ENTPD7: variants seen among roughly 807,000 people sequenced by gnomAD.
The protein encoded by ENTPD7 is NTPDase 7.
Under a neutral mutation model 77.9 loss-of-function variants are expected in ENTPD7, and 53 were observed. That is an observed-to-expected ratio of 0.68 (90% CI 0.55 to 0.85). ENTPD7 has a LOEUF of 0.85. Ranked by LOEUF, ENTPD7 falls within the 40% of genes least tolerant of loss-of-function variation. The pLI, the probability that ENTPD7 is intolerant of heterozygous loss-of-function variation, is 0.00. For synonymous variants in ENTPD7, 248 were observed against 274.9 expected (o/e 0.90, Z 0.97); for missense variants, 636 against 743.7 (o/e 0.86, Z 1.68).
intron 2 of ENTPD7, chr10:99,660,498 A>G: frequency 2.0e-6 from 1 of 505,578 alleles, no homozygotes; most frequent in Non-Finnish European, 3.6e-6. Context: ...GTGGACTACC[A>G]TTTGTGTAAA....
At chr10:99,687,801 G>A (rs2035833488) in intron 6 of ENTPD7, among the ~76,000 whole-genome samples, 1 of 152,102 alleles carries the variant, frequency 6.6e-6, no homozygotes, top group Admixed American at 6.5e-5. Flanking sequence ...GTTCCTTGGA[G>A]CTCCCTTTCA....
rs574999360 is a variant in ENTPD7, at chr10:99,677,295, T to C, written c.192-1966T>C. Among the ~76,000 whole-genome samples, 12 of 151,822 alleles carry C rather than the reference T, an allele frequency of 7.9e-5. No individual in the cohort carries two copies. The South Asian group carries it at 2.5e-3, about 32-fold the overall frequency. On this transcript the variant is annotated intron_variant, in intron 3 of 12. Transcript: ENST00000370489. ...CAAAAGCTGGTTCTGAGGGGTTCTGTGTAAGAGCCTTGGAGATCTAGGAGT... is the reference window on the plus strand; with the variant it reads ...CAAAAGCTGGTTCTGAGGGGTTCTGCGTAAGAGCCTTGGAGATCTAGGAGT...
At position 99,679,251 on chromosome 10, in the gene ENTPD7, C is replaced by T. The variant is rs765001674; in HGVS notation, c.192-10C>T. 2 of 1,611,812 alleles carry T rather than the reference C, an allele frequency of 1.2e-6. No individual in the cohort carries two copies. The highest frequency in any genetic ancestry group is 4.5e-5 in the East Asian group (2 of 44,872). ...TGCTTAGCACTGATTTCTCTTTTTG[C>T]CTGACTTAGGTATTTGGCTCGAGTA... On this transcript the variant is annotated splice_polypyrimidine_tract_variant and intron_variant, in intron 3 of 12. Transcript: ENST00000370489.
In ENTPD7 at chr10:99,684,181, G is replaced by A. The variant is rs373754735; in HGVS notation, c.549-1611G>A. 3.3e-4 allele frequency among the ~76,000 whole-genome samples: 50 copies of A among 152,144 alleles called. 3 individuals are homozygous for A. In the South Asian group the frequency reaches 1.0e-2, roughly 30 times the overall value. On this transcript the variant is annotated intron_variant, in intron 5 of 12. Transcript: ENST00000370489. ...AGCGATTCTCCTGCCTCAGCCTCCC[G>A]AGTGGGATTACAGGTGTCTGTCACC...
intron 12 of ENTPD7, 69 bp downstream of exon 12, chr10:99,702,742 T>A: frequency 7.0e-7 from 1 of 1,431,846 alleles, no homozygotes; most frequent in East Asian, 2.5e-5. Flanking sequence ...AGAATCGGTT[T>A]CTTTCTTTTT....
intron 9 of ENTPD7, among the ~76,000 whole-genome samples, chr10:99,697,107 C>T (rs1322271172): frequency 6.6e-6 from 1 of 152,160 alleles, no homozygotes; most frequent in Non-Finnish European, 1.5e-5. Flanking sequence ...ATATTTACGG[C>T]ATGTTGAAGA....
chr10:99,702,662 C>T lies in ENTPD7; in HGVS notation c.1572C>T (p.Phe524=), dbSNP rs772654781. Residue 524 remains phenylalanine, a synonymous_variant, in exon 12 of 13, where the codon TTC becomes TTT. Transcript: ENST00000370489. ...TLGAILYKTR[F]LPLRDLRQEG... is the part of the protein sequence containing the mutation. ...GAGCCATTCTATATAAAACACGATTCTTACCACTCAGGTAAAGTAAGACTG... is the reference window on the plus strand; with the variant it reads ...GAGCCATTCTATATAAAACACGATTTTTACCACTCAGGTAAAGTAAGACTG... 1 of 1,610,910 alleles carries T rather than the reference C, an allele frequency of 6.2e-7. No individual in the cohort carries two copies. Among genetic ancestry groups the T allele is most frequent in the East Asian group, 2.2e-5 (1 of 44,816 alleles).
intron 3 of ENTPD7, among the ~76,000 whole-genome samples, chr10:99,670,071 A>G (rs1240545045): frequency 1.3e-5 from 2 of 151,840 alleles, no homozygotes; most frequent in African/African-American, 2.4e-5. Context: ...TTAATCAACT[A>G]TTTTTCTGGC....
chr10:99,679,233 C>T, intron 3 of ENTPD7, 28 bp from the exon 4 acceptor site: 1 of 1,611,842 alleles, frequency 6.2e-7, no homozygotes, highest in Non-Finnish European at 8.5e-7. Context: ...GACTGCTTAG[C>T]ACTGATTTCT....
chr10:99,661,710 G>A, intron 3 of ENTPD7, 82 bp downstream of exon 3: 1 of 1,187,896 alleles, frequency 8.4e-7, no homozygotes, highest in Non-Finnish European at 1.1e-6. Context: ...TGACCCTTTT[G>A]GGTGATACTG....
chr10:99,675,888 G>A (rs192996832), intron 3 of ENTPD7, among the ~76,000 whole-genome samples: 116 of 152,142 alleles, frequency 7.6e-4, no homozygotes, highest in African/African-American at 2.7e-3. Flanking sequence ...GAGCCACTGC[G>A]CCCAATCGTG....
chr10:99,660,526 G>GCACACA lies in ENTPD7; in HGVS notation c.8+593_8+598dup, dbSNP rs68112730. ...TGTGTAAAACCGAGGGAATGGATACGCACACACACACACACACACACACAC... is the reference window on the plus strand; with the variant it reads ...TGTGTAAAACCGAGGGAATGGATACGCACACACACACACACACACACACACACACAC... On this transcript the variant is annotated intron_variant, in intron 2 of 12. Transcript: ENST00000370489. The GCACACA allele has an allele frequency of 6.4e-4, 182 of 283,312 alleles. 1 individual carries two copies. The highest frequency in any genetic ancestry group is 4.1e-3 in the South Asian group (141 of 34,758). The allele number at this position is 283,312 out of a possible 1,614,324, so 17.5% of individuals were successfully genotyped here. A position where few individuals can be genotyped will look rare whatever the true frequency, so the allele number is the denominator to read the frequency against.
chr10:99,692,029 G>A (rs927386507), intron 8 of ENTPD7, among the ~76,000 whole-genome samples: 1 of 152,134 alleles, frequency 6.6e-6, no homozygotes, highest in Non-Finnish European at 1.5e-5. Flanking sequence ...TTTTTGTACA[G>A]CCATTATGTA....
rs1279244024 is a variant in ENTPD7 at position 99,710,042 on chromosome 10, C to A, written c.*5359C>A. 5 of 985,268 alleles carry A rather than the reference C, an allele frequency of 5.1e-6. No individual in the cohort carries two copies. Among genetic ancestry groups the A allele is most frequent in the Admixed American group, 6.2e-5 (1 of 16,252 alleles). 61.0% of individuals were successfully genotyped at this position (985,268 alleles called of 1,614,324 possible). Reference sequence around the variant, plus strand: ...CTTCTGAATCACAGGCTATGTATAGCCACACATGCATGACTTCAGGCTAGC... The same window carrying A: ...CTTCTGAATCACAGGCTATGTATAGACACACATGCATGACTTCAGGCTAGC... On this transcript the variant is annotated 3_prime_UTR_variant, in exon 13 of 13. Transcript: ENST00000370489.
At chr10:99,669,208 G>A (rs1452846276) in intron 3 of ENTPD7, among the ~76,000 whole-genome samples, 1 of 151,888 alleles carries the variant, frequency 6.6e-6, no homozygotes, top group East Asian at 1.9e-4. Flanking sequence ...TGACAAATAA[G>A]GCATTGCTTT....
rs376104229 is a variant in ENTPD7, at chr10:99,707,693, C to T, written c.*3010C>T. 7.9e-5 allele frequency among the ~76,000 whole-genome samples: 12 copies of T among 152,244 alleles called. No individual in the cohort carries two copies. The East Asian group carries it at 2.3e-3, about 29-fold the overall frequency. ...GGTCACAAACATCAAAATAGGAGTC[C>T]GTGGCTTGTAGTGATGCTTTTTAGT... On this transcript the variant is annotated 3_prime_UTR_variant, in exon 13 of 13. Coordinates refer to ENST00000370489, the MANE Select transcript of ENTPD7 (RefSeq NM_020354.5).
chr10:99,674,388 A>G (rs2035654879), intron 3 of ENTPD7, among the ~76,000 whole-genome samples: 1 of 152,232 alleles, frequency 6.6e-6, no homozygotes, highest in Non-Finnish European at 1.5e-5. Flanking sequence ...GTATATTTAC[A>G]TTGTTGTGAC....
In ENTPD7 at chr10:99,709,428, C is replaced by T. The variant is rs1337338894; in HGVS notation, c.*4745C>T. On this transcript the variant is annotated 3_prime_UTR_variant, in exon 13 of 13. Coordinates refer to ENST00000370489, the MANE Select transcript of ENTPD7 (RefSeq NM_020354.5). ...GGGACGCTAGCTCCAGATTCCAGCC[C>T]CTGGGGCAATAACTTGTGAGGATTT... is the stretch of plus-strand genomic sequence containing the variant. 2 of 985,180 alleles carry T rather than the reference C, an allele frequency of 2.0e-6. No individual in the cohort carries two copies. Among genetic ancestry groups the T allele is most frequent in the Admixed American group, 1.2e-4 (2 of 16,248 alleles). 61.0% of individuals were successfully genotyped at this position (985,180 alleles called of 1,614,324 possible).
At position 99,709,144 on chromosome 10, in the gene ENTPD7, T is replaced by C. The variant is rs1471638660; in HGVS notation, c.*4461T>C. ...TACAACATCCAAGCAATTCATTAGA[T>C]GACTACAGCCTAGATGAAGGTATAA... On this transcript the variant is annotated 3_prime_UTR_variant, in exon 13 of 13. Coordinates refer to ENST00000370489, the MANE Select transcript of ENTPD7 (RefSeq NM_020354.5). 1 of 984,468 alleles carries C rather than the reference T, an allele frequency of 1.0e-6. No homozygotes were observed. Among genetic ancestry groups the C allele is most frequent in the Non-Finnish European group, 1.2e-6 (1 of 829,162 alleles). The allele number at this position is 984,468 out of a possible 1,614,324, so 61.0% of individuals were successfully genotyped here.
Sources: allele counts gnomAD v4.1 joint callset (sites outside exome capture counted in the v4.1 genomes callset), GRCh38; gene constraint gnomAD v4.1.1; transcripts MANE v1.5; gene names NCBI Gene and HGNC (gene_info 2026-07-23, HGNC 2026-07-21).